Variants in GRXCR1 observed in about 807,000 individuals in gnomAD.
GRXCR1 encodes glutaredoxin and cysteine rich domain containing 1, also known as glutaredoxin domain-containing cysteine-rich protein 1.
Under a neutral mutation model 27.3 loss-of-function variants are expected in GRXCR1, and 27 were observed. The observed-to-expected ratio is 0.99, with a 90% CI of 0.73 to 1.37. The LOEUF (loss-of-function observed/expected upper bound fraction) is 1.37. Ranked by LOEUF, GRXCR1 falls within the 40% of genes most tolerant of loss-of-function variation. The pLI, the probability that GRXCR1 is intolerant of heterozygous loss-of-function variation, is 0.00. For synonymous variants in GRXCR1, 122 were observed against 131.1 expected (o/e 0.93, Z 0.47); for missense variants, 379 against 354.4 (o/e 1.07, Z -0.56).
intron 3 of GRXCR1, among the ~76,000 whole-genome samples, chr4:43,021,689 T>C (rs982537818): frequency 2.6e-5 from 4 of 152,202 alleles, no homozygotes; most frequent in African/African-American, 7.2e-5. Context: ...GACATTGTGG[T>C]TCAATGAGGA....
intron 2 of GRXCR1, among the ~76,000 whole-genome samples, chr4:42,998,997 C>T (rs1712264475): frequency 6.6e-6 from 1 of 152,104 alleles, no homozygotes; most frequent in South Asian, 2.1e-4. Flanking sequence ...GTCAATAGAA[C>T]TTAGGAAGAA....
intron 1 of GRXCR1, among the ~76,000 whole-genome samples, chr4:42,899,301 T>C (rs988676503): frequency 1.3e-5 from 2 of 152,142 alleles, no homozygotes; most frequent in African/African-American, 4.8e-5. Context: ...ATTTACTGCA[T>C]ATCTACCGTG....
At chr4:42,893,706 A>G in intron 1 of GRXCR1, 56 bp downstream of exon 1, 2 of 1,529,750 alleles carry the variant, frequency 1.3e-6, no homozygotes, top group South Asian at 2.2e-5. Context: ...CCATCTGAAC[A>G]CCTCTCAGTT....
At chr4:42,934,226 T>G (rs1247523841) in intron 1 of GRXCR1, among the ~76,000 whole-genome samples, 1 of 121,842 alleles carries the variant, frequency 8.2e-6, no homozygotes, top group Non-Finnish European at 1.7e-5. Context: ...CTGTTATATG[T>G]GTATGATGTG....
chr4:42,966,646 A>G (rs16855167), intron 2 of GRXCR1, among the ~76,000 whole-genome samples: 7,119 of 152,184 alleles, frequency 0.047, 212 homozygotes, highest in African/African-American at 0.078. Flanking sequence ...AGTTGGCTCC[A>G]GAAATCCACT....
At chr4:42,958,834 G>A (rs1748067494) in intron 1 of GRXCR1, among the ~76,000 whole-genome samples, 1 of 151,852 alleles carries the variant, frequency 6.6e-6, no homozygotes, top group African/African-American at 2.4e-5. Context: ...TCAATAATAT[G>A]GAAACCACAA....
At chr4:42,977,228 C>T (rs1748546559) in intron 2 of GRXCR1, among the ~76,000 whole-genome samples, 1 of 151,970 alleles carries the variant, frequency 6.6e-6, no homozygotes, top group Non-Finnish European at 1.5e-5. Context: ...CTGATGGACA[C>T]TTAGATTGAT....
chr4:42,978,624 A>G lies in GRXCR1; in HGVS notation c.627+15490A>G, dbSNP rs137980697. The stretch of plus-strand genomic sequence containing the variant: ...TTTAGTGTTAATATACAGTAATGTT[A>G]CTAATTTTTGTATGTTGATTTTGTA... On this transcript the variant is annotated intron_variant, in intron 2 of 3. Transcript: ENST00000399770. Among the ~76,000 whole-genome samples the G allele has an allele frequency of 3.3e-5, 5 of 152,172 alleles. No homozygotes were observed. The East Asian group carries it at 9.6e-4, about 29-fold the overall frequency.
In GRXCR1 at chr4:42,909,278, C is replaced by T. The variant is rs146917830; in HGVS notation, c.384+15628C>T. On this transcript the variant is annotated intron_variant, in intron 1 of 3. Coordinates refer to ENST00000399770, the MANE Select transcript of GRXCR1 (RefSeq NM_001080476.3). ...ACATACAGAAAATAAGTTATTAAAC[C>T]CTTGACAGTTCGAAATGGGCCTTGG... 1.6e-3 allele frequency among the ~76,000 whole-genome samples: 246 copies of T among 152,082 alleles called. 2 individuals carry two copies. Among genetic ancestry groups the T allele is most frequent in the African/African-American group, 5.7e-3 (236 of 41,484 alleles).
intron 1 of GRXCR1, among the ~76,000 whole-genome samples, chr4:42,943,203 A>G (rs539707352): frequency 7.2e-5 from 11 of 152,244 alleles, no homozygotes; most frequent in African/African-American, 2.4e-4. Flanking sequence ...TTTCAATAAC[A>G]TGGGAAATCA....
intron 1 of GRXCR1, among the ~76,000 whole-genome samples, chr4:42,960,181 C>G (rs1321101686): frequency 1.3e-5 from 2 of 151,944 alleles, no homozygotes; most frequent in African/African-American, 4.8e-5. Flanking sequence ...TTAAATTTTT[C>G]CACTTTGACA....
At chr4:42,949,213 A>G (rs756480102) in intron 1 of GRXCR1, among the ~76,000 whole-genome samples, 5 of 151,704 alleles carry the variant, frequency 3.3e-5, no homozygotes, top group Non-Finnish European at 5.9e-5. Flanking sequence ...CACACACAAA[A>G]AAAAAGCTGG....
rs369022273 is a variant in GRXCR1, at chr4:42,987,222, T to TA, written c.627+24088_627+24089insA. ...TTTTCATATATATATTATATATATA[T>TA]TATATATTATATATATATAATATAT... is the stretch of plus-strand genomic sequence containing the variant. On this transcript the variant is annotated intron_variant, in intron 2 of 3. Coordinates refer to ENST00000399770, the MANE Select transcript of GRXCR1 (RefSeq NM_001080476.3). Among the ~76,000 whole-genome samples, 218 of 100,496 alleles carry TA rather than the reference T, an allele frequency of 2.2e-3. 2 individuals carry two copies. The highest frequency in any genetic ancestry group is 6.7e-3 in the African/African-American group (175 of 26,086). 65.9% of individuals were successfully genotyped at this position (100,496 alleles called of 152,430 possible).
At chr4:42,956,590 C>T (rs558104504) in intron 1 of GRXCR1, among the ~76,000 whole-genome samples, 1 of 152,068 alleles carries the variant, frequency 6.6e-6, no homozygotes, top group South Asian at 2.1e-4. Flanking sequence ...ACAGTAAAAT[C>T]TTTTTTCAGA....
At chr4:43,024,044 C>T (rs969827670) in intron 3 of GRXCR1, among the ~76,000 whole-genome samples, 1 of 152,016 alleles carries the variant, frequency 6.6e-6, no homozygotes, top group African/African-American at 2.4e-5. Context: ...AGATATATTA[C>T]CATACCACTG....
chr4:42,983,224 A>G (rs1319972473), intron 2 of GRXCR1, among the ~76,000 whole-genome samples: 8 of 149,872 alleles, frequency 5.3e-5, no homozygotes, highest in Admixed American at 2.0e-4. Flanking sequence ...TCTTGAATTG[A>G]TTTTTGTATA....
chr4:42,920,155 A>C (rs1746975829), intron 1 of GRXCR1, among the ~76,000 whole-genome samples: 1 of 152,142 alleles, frequency 6.6e-6, no homozygotes, highest in Non-Finnish European at 1.5e-5. Context: ...ACAATAGACA[A>C]ATGACAAATG....
At chr4:42,903,313 T>C (rs1341067543) in intron 1 of GRXCR1, among the ~76,000 whole-genome samples, 2 of 119,694 alleles carry the variant, frequency 1.7e-5, no homozygotes, top group African/African-American at 6.4e-5. Flanking sequence ...TGTAGATTTT[T>C]TTTTTTTTTT....
chr4:42,962,530 C>T (rs762387029), intron 1 of GRXCR1, among the ~76,000 whole-genome samples: 2 of 151,940 alleles, frequency 1.3e-5, no homozygotes, highest in East Asian at 1.9e-4. Flanking sequence ...GTGGCATAAA[C>T]TTTAGGTTTA....
Sources: gnomAD v4.1 joint callset for allele counts (sites outside exome capture counted in the v4.1 genomes callset) on GRCh38, gnomAD v4.1.1 for gene constraint, MANE v1.5 for transcripts, NCBI Gene and HGNC (gene_info 2026-07-23, HGNC 2026-07-21) for gene names.